The following ZNF813 variants were observed in gnomAD, a reference collection of about 807,000 sequenced individuals.
ZNF813 encodes zinc finger protein 813.
ZNF813 carries 3 observed loss-of-function variants against 7.2 expected under a neutral mutation model. The ratio of observed to expected loss-of-function variants is 0.42; its 90% CI spans 0.19 to 1.08. The LOEUF is 1.08. Ranked by LOEUF, ZNF813 falls within the 50% of genes least tolerant of loss-of-function variation. The probability of loss-of-function intolerance (pLI) is 0.30; values close to 1 mark genes in which losing one functional copy is unlikely to be tolerated. For synonymous variants in ZNF813, 227 were observed against 256.3 expected (o/e 0.89, Z 1.09); for missense variants, 714 against 753.3 (o/e 0.95, Z 0.61).
intron 2 of ZNF813, among the ~76,000 whole-genome samples, chr19:53,485,721 T>A (rs1017706393): frequency 6.6e-6 from 1 of 152,124 alleles, no homozygotes. Context: ...TATTTTCTTT[T>A]ATTTTAAGAC....
Position 53,491,052 on chromosome 19 carries a change from A to T in ZNF813, c.820A>T (p.Asn274Tyr), listed in dbSNP as rs751326088. 3.1e-6 allele frequency: 5 copies of T among 1,614,184 alleles called. No individual in the cohort carries two copies. Among genetic ancestry groups the T allele is most frequent in the Non-Finnish European group, 4.2e-6 (5 of 1,180,010 alleles). ...CHTGEKPYRCNECGKTFSQTY... is the reference protein window; with the variant it reads ...CHTGEKPYRCYECGKTFSQTY... ...CACTGGGGAGAAACCTTACAGGTGT[A>T]ATGAGTGTGGCAAGACTTTCAGTCA... is the stretch of plus-strand genomic sequence containing the variant. Residue 274 changes from asparagine to tyrosine, a missense_variant, in exon 4 of 4, where the codon AAT becomes TAT. Physicochemically the swap from Asn to Tyr is moderately radical, Grantham distance 143 (BLOSUM62 -2). Transcript: ENST00000396403.
At chr19:53,467,935 G>A (rs2086335482) in intron 1 of ZNF813, 146 bp downstream of exon 1, 1 of 152,434 alleles carries the variant, frequency 6.6e-6, no homozygotes, top group African/African-American at 2.4e-5. Flanking sequence ...GTGAGAGTCC[G>A]GGGGTCGCTT....
At position 53,495,969 on chromosome 19, in the gene ZNF813, A is replaced by T; in HGVS notation, c.*3883A>T. ...TCCATTCCCCCAGTGGATTCAGATC[A>T]AAACTGGTAATAAAATCAGGTACGA... On this transcript the variant is annotated 3_prime_UTR_variant, in exon 4 of 4. Transcript: ENST00000396403. 5.4e-6 allele frequency: 2 copies of T among 371,736 alleles called. No individual in the cohort carries two copies. Among genetic ancestry groups the T allele is most frequent in the South Asian group, 4.9e-5 (2 of 40,858 alleles). The allele number at this position is 371,736 out of a possible 1,614,324, so 23.0% of individuals were successfully genotyped here.
chr19:53,485,435 TG>T (rs1427831340), intron 2 of ZNF813, among the ~76,000 whole-genome samples: 1 of 152,130 alleles, frequency 6.6e-6, no homozygotes, highest in Non-Finnish European at 1.5e-5. Flanking sequence ...CACACACAAA[TG>T]TATATATTTT....
At chr19:53,475,203 T>C (rs2086376482) in intron 1 of ZNF813, among the ~76,000 whole-genome samples, 1 of 150,310 alleles carries the variant, frequency 6.7e-6, no homozygotes, top group Non-Finnish European at 1.5e-5. Context: ...TTAGTGTAAA[T>C]ACTGACTTCT....
chr19:53,483,459 A>G (rs562035863), intron 1 of ZNF813, among the ~76,000 whole-genome samples: 29 of 152,134 alleles, frequency 1.9e-4, no homozygotes, highest in Non-Finnish European at 4.0e-4. Context: ...GAGTGCTGGG[A>G]TGACAGGCAT....
At chr19:53,476,161 T>C (rs2086380757) in intron 1 of ZNF813, among the ~76,000 whole-genome samples, 1 of 152,166 alleles carries the variant, frequency 6.6e-6, no homozygotes, top group Non-Finnish European at 1.5e-5. Context: ...TGGGCTTGCT[T>C]TTTTGATATT....
At chr19:53,484,611 C>T (rs1266208246) in intron 2 of ZNF813, among the ~76,000 whole-genome samples, 1 of 152,204 alleles carries the variant, frequency 6.6e-6, no homozygotes, top group Non-Finnish European at 1.5e-5. Context: ...GTCACCTAGG[C>T]TGAAGTGCAG....
At chr19:53,484,016 C>G (rs1470926691) in intron 2 of ZNF813, among the ~76,000 whole-genome samples, 179 bp downstream of exon 2, 3 of 152,044 alleles carry the variant, frequency 2.0e-5, no homozygotes, top group African/African-American at 7.2e-5. Flanking sequence ...GACCGAGTGA[C>G]ATGAACTTGG....
At chr19:53,483,710 G>A (rs2086420101) in intron 1 of ZNF813, 40 bp from the exon 2 acceptor site, 1 of 1,577,638 alleles carries the variant, frequency 6.3e-7, no homozygotes, top group African/African-American at 1.3e-5. Context: ...GAGGGGATGT[G>A]TTGATTCTGA....
chr19:53,482,492 C>T (rs2086413032), intron 1 of ZNF813, among the ~76,000 whole-genome samples: 1 of 152,114 alleles, frequency 6.6e-6, no homozygotes, highest in Admixed American at 6.6e-5. Flanking sequence ...TTTCTCTTTT[C>T]CCAAACATCA....
intron 1 of ZNF813, among the ~76,000 whole-genome samples, chr19:53,480,701 A>C (rs73938808): frequency 1.8e-3 from 267 of 152,278 alleles, no homozygotes; most frequent in African/African-American, 6.1e-3. Context: ...TGTATTTTTC[A>C]GTTTTCTTTC....
chr19:53,488,711 G>A (rs532512664), intron 3 of ZNF813, among the ~76,000 whole-genome samples: 8 of 151,608 alleles, frequency 5.3e-5, no homozygotes, highest in East Asian at 3.9e-4. Flanking sequence ...GAGCCACCGC[G>A]CCCAGCCGTT....
At chr19:53,474,630 A>G (rs139287969) in intron 1 of ZNF813, among the ~76,000 whole-genome samples, 2,755 of 152,176 alleles carry the variant, frequency 0.018, 39 homozygotes, top group African/African-American at 0.039. Context: ...CAGAGGTTGC[A>G]GTGAGCCAAG....
intron 1 of ZNF813, among the ~76,000 whole-genome samples, chr19:53,475,643 T>TG (rs1466099362): frequency 1.3e-5 from 2 of 152,366 alleles, no homozygotes; most frequent in African/African-American, 4.8e-5. Context: ...GACGGTTAGT[T>TG]GCTGTCCTAG....
Position 53,492,837 on chromosome 19 carries a change from T to G in ZNF813, c.*751T>G. 1 of 482,348 alleles carries G rather than the reference T, an allele frequency of 2.1e-6. No homozygotes were observed. The highest frequency in any genetic ancestry group is 4.2e-6 in the Non-Finnish European group (1 of 238,604). The allele number at this position is 482,348 out of a possible 1,614,324, so 29.9% of individuals were successfully genotyped here. ...AGGTCTTCAGTCAAGCTTCATCCTA[T>G]GCAAAACATAGGAGAATTCATACAG... On this transcript the variant is annotated 3_prime_UTR_variant, in exon 4 of 4. Transcript: ENST00000396403.
chr19:53,468,703 T>C (rs1392263111), intron 1 of ZNF813, among the ~76,000 whole-genome samples: 1 of 152,110 alleles, frequency 6.6e-6, no homozygotes, highest in East Asian at 1.9e-4. Flanking sequence ...TAGCAAAGAG[T>C]CACAGAGCAG....
intron 2 of ZNF813, among the ~76,000 whole-genome samples, chr19:53,486,008 G>C (rs1230255811): frequency 1.3e-5 from 2 of 152,224 alleles, no homozygotes; most frequent in East Asian, 3.9e-4. Flanking sequence ...AAGCAATTCT[G>C]CTGCATCAGC....
chr19:53,492,212 G>A lies in ZNF813; in HGVS notation c.*126G>A. The stretch of plus-strand genomic sequence containing the variant: ...AAGAATTCATACTGGAGAGAAACAA[G>A]TGTAATGAACGTTGCAAAATTTTTA... On this transcript the variant is annotated 3_prime_UTR_variant, in exon 4 of 4. Transcript: ENST00000396403. The A allele has an allele frequency of 2.1e-6, 3 of 1,449,864 alleles. No homozygotes were observed. Among genetic ancestry groups the A allele is most frequent in the Admixed American group, 2.3e-5 (1 of 43,560 alleles). 89.8% of individuals were successfully genotyped at this position (1,449,864 alleles called of 1,614,324 possible).
Sources: gnomAD v4.1 joint callset for allele counts (sites outside exome capture counted in the v4.1 genomes callset) on GRCh38, gnomAD v4.1.1 for gene constraint, MANE v1.5 for transcripts, NCBI Gene and HGNC (gene_info 2026-07-23, HGNC 2026-07-21) for gene names.